The following DOCK11 variants were observed in gnomAD, a reference collection of about 807,000 sequenced individuals.
DOCK11 encodes the protein dedicator of cytokinesis 11, also known as dedicator of cytokinesis protein 11.
In DOCK11, 70 loss-of-function variants were observed where a neutral mutation model predicts 169.1. That is an observed-to-expected ratio of 0.41 (90% CI 0.34 to 0.51). The LOEUF is 0.51. DOCK11 is among the 20% of genes least tolerant of loss of function. The pLI is 0.10. For synonymous variants in DOCK11, 529 were observed against 541.3 expected, an observed-to-expected ratio of 0.98 and a Z score of 0.32; for missense variants, 1,166 against 1,538.8, an observed-to-expected ratio of 0.76 and a Z score of 4.05.
intron 7 of DOCK11, among the ~76,000 whole-genome samples, 193 bp downstream of exon 7, chrX:118,561,710 C>G (rs766268950): frequency 1.8e-5 from 2 of 109,660 alleles, no homozygotes; most frequent in African/African-American, 6.6e-5. Flanking sequence ...CAAAAAAATA[C>G]AAAAATTACC....
chrX:118,667,441 C>T (rs1384531108), intron 45 of DOCK11, among the ~76,000 whole-genome samples: 3 of 102,512 alleles, frequency 2.9e-5, no homozygotes, highest in African/African-American at 7.2e-5. Flanking sequence ...TTTTTTAAGA[C>T]GTACCATTTG....
intron 6 of DOCK11, among the ~76,000 whole-genome samples, chrX:118,557,763 C>CAAAAAAAA (rs773728594): frequency 1.2e-4 from 3 of 24,334 alleles, no homozygotes; most frequent in Admixed American, 8.3e-4. Flanking sequence ...GACTCTGTCT[C>CAAAAAAAA]AAAAAAAAAA....
At chrX:118,543,782 C>T (rs1346591914) in intron 4 of DOCK11, among the ~76,000 whole-genome samples, 189 bp downstream of exon 4, 1 of 111,801 alleles carries the variant, frequency 8.9e-6, no homozygotes, top group African/African-American at 3.2e-5. Context: ...AACCCTGTCT[C>T]TACTAAAAAT....
chrX:118,631,175 T>A lies in DOCK11; in HGVS notation c.3886+685T>A, dbSNP rs1367882426. Among the ~76,000 whole-genome samples the A allele has an allele frequency of 1.1e-4, 12 of 109,699 alleles. No individual in the cohort carries two copies. In the South Asian group the frequency reaches 4.5e-3, roughly 42 times the overall value. On this transcript the variant is annotated intron_variant, in intron 35 of 52. Transcript: ENST00000276202. ...CTCTTCCTTTTCGCAATACTTTTGC[T>A]TAAAAAAAAAAAATGCAAAAATGGA...
chrX:118,530,322 C>A (rs1468245736), intron 1 of DOCK11, among the ~76,000 whole-genome samples: 1 of 113,037 alleles, frequency 8.8e-6, no homozygotes, highest in Non-Finnish European at 1.9e-5. Context: ...AAATTTTTAG[C>A]CTATGCTGTC....
chrX:118,568,676 G>A (rs1007853564), intron 10 of DOCK11, among the ~76,000 whole-genome samples: 25 of 109,199 alleles, frequency 2.3e-4, no homozygotes, highest in South Asian at 7.8e-4. Context: ...GGGTGGTGCA[G>A]GAAGGTGCAG....
At chrX:118,546,209 GCAAAA>G in intron 6 of DOCK11, 93 bp downstream of exon 6, 2 of 19,314 alleles carry the variant, frequency 1.0e-4, no homozygotes, top group Admixed American at 6.8e-4. Flanking sequence ...AAGAGCCCTA[GCAAAA>G]AAAAAAAAAA....
intron 14 of DOCK11, among the ~76,000 whole-genome samples, chrX:118,581,357 T>A (rs1476441494): frequency 9.0e-6 from 1 of 111,503 alleles, no homozygotes; most frequent in African/African-American, 3.3e-5. Flanking sequence ...AAAAAAATGA[T>A]AGCTAGGGGT....
intron 40 of DOCK11, among the ~76,000 whole-genome samples, chrX:118,647,690 TATA>T (rs1383402017): frequency 3.5e-5 from 2 of 57,007 alleles, no homozygotes; most frequent in Non-Finnish European, 5.8e-5. Context: ...AATATTATAT[TATA>T]ATATAATATA....
At chrX:118,671,291 A>G (rs2016464748) in intron 46 of DOCK11, 146 bp downstream of exon 46, 6 of 467,602 alleles carry the variant, frequency 1.3e-5, no homozygotes, top group East Asian at 4.2e-5. Flanking sequence ...GCATTTTATC[A>G]TAGAGTATAG....
chrX:118,545,148 G>A (rs954621421), intron 4 of DOCK11, among the ~76,000 whole-genome samples, 175 bp from the exon 5 acceptor site: 1 of 111,423 alleles, frequency 9.0e-6, no homozygotes, highest in Non-Finnish European at 1.9e-5. Flanking sequence ...ACTCAGAGGG[G>A]ATAATCTGAA....
intron 31 of DOCK11, among the ~76,000 whole-genome samples, chrX:118,619,480 C>CAAAAA (rs1162244580): frequency 3.9e-5 from 2 of 51,463 alleles, no homozygotes; most frequent in Non-Finnish European, 3.5e-5. Context: ...AACTCTGTCT[C>CAAAAA]AAAAAAAAAA....
intron 6 of DOCK11, among the ~76,000 whole-genome samples, chrX:118,557,881 A>G (rs749248833): frequency 8.2e-5 from 9 of 109,125 alleles, no homozygotes; most frequent in Non-Finnish European, 1.9e-5. Context: ...ACTGTAAAGT[A>G]AGATGGGAAG....
chrX:118,656,019 G>A (rs183721431), intron 44 of DOCK11, among the ~76,000 whole-genome samples: 129 of 111,505 alleles, frequency 1.2e-3, no homozygotes, highest in African/African-American at 3.8e-3. Context: ...GCCGAGTGTG[G>A]TGACTCAGAC....
At chrX:118,678,410 A>G (rs931248473) in intron 48 of DOCK11, among the ~76,000 whole-genome samples, 3 of 112,203 alleles carry the variant, frequency 2.7e-5, no homozygotes, top group African/African-American at 9.7e-5. Flanking sequence ...ATTAAAAAGC[A>G]TGAGAGATTT....
chrX:118,645,451 T>C (rs1227949238), intron 40 of DOCK11, among the ~76,000 whole-genome samples: 1 of 111,172 alleles, frequency 9.0e-6, no homozygotes, highest in Non-Finnish European at 1.9e-5. Flanking sequence ...CCCAGCACTT[T>C]GGGAGGCCGA....
chrX:118,630,970 C>T (rs760728019), intron 35 of DOCK11, among the ~76,000 whole-genome samples: 3 of 111,292 alleles, frequency 2.7e-5, no homozygotes, highest in Non-Finnish European at 1.9e-5. Context: ...TCTGGTATCG[C>T]GTTCTTTGTC....
At chrX:118,627,153 A>G (rs867354402) in intron 32 of DOCK11, among the ~76,000 whole-genome samples, 48 of 111,553 alleles carry the variant, frequency 4.3e-4, no homozygotes, top group African/African-American at 1.3e-3. Context: ...ACTTGAGCCC[A>G]GGAGGTTGAG....
chrX:118,512,176 A>G (rs2057654692), intron 1 of DOCK11, among the ~76,000 whole-genome samples: 2 of 112,294 alleles, frequency 1.8e-5, no homozygotes, highest in Admixed American at 9.5e-5. Flanking sequence ...TGCTGGGATT[A>G]CAGCGTGAGC....
Sources: allele counts gnomAD v4.1 joint callset (sites outside exome capture counted in the v4.1 genomes callset), GRCh38; gene constraint gnomAD v4.1.1; transcripts MANE v1.5; gene names NCBI Gene and HGNC (gene_info 2026-07-23, HGNC 2026-07-21).